Variants in HDX observed in about 807,000 individuals in gnomAD.
HDX encodes chromosome X open reading frame 43.
A neutral mutation model predicts 45.2 loss-of-function variants in HDX; 19 were observed. The observed-to-expected ratio is 0.42, with a 90% CI of 0.29 to 0.62. The LOEUF (loss-of-function observed/expected upper bound fraction) is 0.62. Among genes scored for constraint, HDX ranks in the 20% least tolerant of loss-of-function variants. The pLI, the probability that HDX is intolerant of heterozygous loss-of-function variation, is 0.20. For synonymous variants in HDX, 188 were observed against 172.8 expected, an observed-to-expected ratio of 1.09 and a Z score of -0.69; for missense variants, 532 against 493.9, an observed-to-expected ratio of 1.08 and a Z score of -0.73.
At chrX:84,418,092 G>A (rs2039157098) in intron 5 of HDX, among the ~76,000 whole-genome samples, 2 of 111,978 alleles carry the variant, frequency 1.8e-5, no homozygotes, top group African/African-American at 6.5e-5. Context: ...TAGCTAGGTT[G>A]ACCGGTGAAG....
chrX:84,365,749 T>C (rs1417864303), intron 5 of HDX, among the ~76,000 whole-genome samples: 1 of 112,145 alleles, frequency 8.9e-6, no homozygotes, highest in Non-Finnish European at 1.9e-5. Flanking sequence ...GCCTTAATTT[T>C]AGGCCTTAGA....
chrX:84,349,003 T>G (rs980163060), intron 6 of HDX, among the ~76,000 whole-genome samples: 1 of 111,278 alleles, frequency 9.0e-6, no homozygotes, highest in African/African-American at 3.3e-5. Context: ...CCTCTGGGAG[T>G]AAAACTCACA....
At position 84,492,470 on chromosome X, in the gene HDX, G is replaced by A. The variant is rs965014671; in HGVS notation, c.-109-4338C>T. On this transcript the variant is annotated intron_variant, in intron 1 of 10. Transcript: ENST00000373177. The stretch of plus-strand genomic sequence containing the variant: ...AAGCTTCATTACTTGCTAGTCTTGT[G>A]ACTTTAGCAGAGATAATTGACCTCT... 3.6e-5 allele frequency among the ~76,000 whole-genome samples: 4 copies of A among 110,686 alleles called. No individual in the cohort carries two copies. In the Admixed American group the frequency reaches 3.9e-4, roughly 11 times the overall value.
intron 5 of HDX, among the ~76,000 whole-genome samples, chrX:84,439,253 T>C (rs1450988463): frequency 9.0e-6 from 1 of 111,539 alleles, no homozygotes; most frequent in African/African-American, 3.3e-5. Context: ...TTTAGACTGA[T>C]TTTTAGCTTG....
chrX:84,501,401 A>C (rs980238608), intron 1 of HDX: 2 of 111,697 alleles, frequency 1.8e-5, no homozygotes, highest in Non-Finnish European at 3.8e-5. Context: ...CCAAGAAGAG[A>C]AAAAGGCAAG....
At chrX:84,333,102 C>T (rs953876980) in intron 9 of HDX, among the ~76,000 whole-genome samples, 4 of 111,307 alleles carry the variant, frequency 3.6e-5, no homozygotes, top group Non-Finnish European at 7.6e-5. Context: ...TTCAGAAGTT[C>T]CCAAAGTTAC....
At chrX:84,397,249 G>T (rs2038588354) in intron 5 of HDX, among the ~76,000 whole-genome samples, 2 of 111,933 alleles carry the variant, frequency 1.8e-5, no homozygotes. Flanking sequence ...TTGTGGGTAG[G>T]GGATGTCAGT....
chrX:84,418,804 A>G (rs1893570063), intron 5 of HDX, among the ~76,000 whole-genome samples: 1 of 111,001 alleles, frequency 9.0e-6, no homozygotes, highest in Non-Finnish European at 1.9e-5. Flanking sequence ...AAAAGCTGGC[A>G]CAGCTAACAG....
chrX:84,471,085 T>C (rs1164886800), intron 3 of HDX, among the ~76,000 whole-genome samples: 2 of 111,965 alleles, frequency 1.8e-5, no homozygotes, highest in East Asian at 5.6e-4. Flanking sequence ...AGTATATTTG[T>C]TTAACTTTTG....
chrX:84,448,152 C>T (rs762179062), intron 4 of HDX, among the ~76,000 whole-genome samples: 11 of 111,893 alleles, frequency 9.8e-5, no homozygotes, highest in African/African-American at 2.9e-4. Flanking sequence ...TTTGGCACTA[C>T]TCTTGAGTGC....
chrX:84,492,713 T>C (rs189586145), intron 1 of HDX, among the ~76,000 whole-genome samples: 4 of 110,980 alleles, frequency 3.6e-5, no homozygotes, highest in Admixed American at 1.9e-4. Flanking sequence ...TATATGAACC[T>C]CAAATGAAGG....
intron 5 of HDX, among the ~76,000 whole-genome samples, chrX:84,426,593 A>G (rs1212063910): frequency 9.0e-6 from 1 of 111,059 alleles, no homozygotes; most frequent in Non-Finnish European, 1.9e-5. Context: ...TTGGAATCTT[A>G]CCAAGTCAAA....
chrX:84,350,290 G>A (rs1290195916), intron 6 of HDX, among the ~76,000 whole-genome samples: 1 of 111,216 alleles, frequency 9.0e-6, no homozygotes, highest in Non-Finnish European at 1.9e-5. Context: ...CACTTGAAAA[G>A]TGTGTATTTT....
chrX:84,337,695 A>T (rs2036995729), intron 7 of HDX, among the ~76,000 whole-genome samples: 1 of 111,711 alleles, frequency 9.0e-6, no homozygotes, highest in African/African-American at 3.2e-5. Flanking sequence ...ATCACTGAGG[A>T]ATAGGATTGT....
intron 8 of HDX, among the ~76,000 whole-genome samples, chrX:84,336,047 C>T (rs2036952879): frequency 9.1e-6 from 1 of 110,156 alleles, no homozygotes; most frequent in African/African-American, 3.3e-5. Flanking sequence ...TGGCTGCAAT[C>T]AAACACAGAA....
chrX:84,377,512 A>C (rs1204397226), intron 5 of HDX, among the ~76,000 whole-genome samples: 1 of 111,712 alleles, frequency 9.0e-6, no homozygotes, highest in Non-Finnish European at 1.9e-5. Context: ...ACAGAGAAGA[A>C]ATTCAGAATC....
intron 5 of HDX, among the ~76,000 whole-genome samples, chrX:84,381,097 G>A (rs1433814059): frequency 1.8e-5 from 2 of 110,712 alleles, no homozygotes; most frequent in African/African-American, 6.5e-5. Context: ...AAATTAAACA[G>A]GAATCCCATT....
At chrX:84,411,421 A>G (rs969907945) in intron 5 of HDX, among the ~76,000 whole-genome samples, 5 of 111,768 alleles carry the variant, frequency 4.5e-5, no homozygotes, top group Non-Finnish European at 9.4e-5. Flanking sequence ...TTCTTTGCCA[A>G]AAATTTATTA....
intron 4 of HDX, among the ~76,000 whole-genome samples, chrX:84,457,416 T>C (rs754981467): frequency 2.3e-4 from 26 of 112,092 alleles, no homozygotes; most frequent in Non-Finnish European, 3.6e-4. Flanking sequence ...GTACTCCATA[T>C]GTTTATAATA....
Sources: allele counts gnomAD v4.1 joint callset (sites outside exome capture counted in the v4.1 genomes callset), GRCh38; gene constraint gnomAD v4.1.1; transcripts MANE v1.5; gene names NCBI Gene and HGNC (gene_info 2026-07-23, HGNC 2026-07-21).